The following SGSM1 variants were observed in gnomAD, a reference collection of about 807,000 sequenced individuals.
SGSM1 encodes small G protein signaling modulator 1.
A neutral mutation model predicts 133.8 loss-of-function variants in SGSM1; 73 were observed. That is an observed-to-expected ratio of 0.55 (90% CI 0.45 to 0.66). SGSM1 has a LOEUF of 0.66. Ranked by LOEUF, SGSM1 falls within the 30% of genes least tolerant of loss-of-function variation. The pLI is 0.00. For synonymous variants in SGSM1, 563 were observed against 573.0 expected, an observed-to-expected ratio of 0.98 and a Z score of 0.25; for missense variants, 1,213 against 1,448.1, an observed-to-expected ratio of 0.84 and a Z score of 2.64.
chr22:24,869,185 C>G (rs1226688456), intron 12 of SGSM1, among the ~76,000 whole-genome samples: 1 of 152,080 alleles, frequency 6.6e-6, no homozygotes, highest in African/African-American at 2.4e-5. Flanking sequence ...GTTCATAGCA[C>G]CAGTTTCATA....
At chr22:24,885,262 A>G (rs1292890848) in intron 15 of SGSM1, among the ~76,000 whole-genome samples, 3 of 151,954 alleles carry the variant, frequency 2.0e-5, no homozygotes, top group African/African-American at 7.3e-5. Context: ...CTGAGTCAAG[A>G]TTAATAATTG....
chr22:24,876,476 C>A, intron 12 of SGSM1, 101 bp from the exon 13 acceptor site: 2 of 1,464,748 alleles, frequency 1.4e-6, no homozygotes, highest in Non-Finnish European at 1.9e-6. Flanking sequence ...TATCTCTGTG[C>A]TGGCTGGGGC....
At chr22:24,870,278 A>G (rs1211140444) in intron 12 of SGSM1, among the ~76,000 whole-genome samples, 1 of 152,204 alleles carries the variant, frequency 6.6e-6, no homozygotes, top group African/African-American at 2.4e-5. Context: ...TCCATGTATG[A>G]GGGTGAAATC....
At chr22:24,919,497 T>C (rs912476282) in intron 23 of SGSM1, among the ~76,000 whole-genome samples, 4 of 152,118 alleles carry the variant, frequency 2.6e-5, no homozygotes, top group Non-Finnish European at 5.9e-5. Context: ...GTGTTGCTTG[T>C]CAAAGGGCAG....
Position 24,867,179 on chromosome 22 carries a change from G to A in SGSM1, c.994+19G>A, listed in dbSNP as rs747703968. 1.2e-6 allele frequency: 2 copies of A among 1,612,744 alleles called. No homozygotes were observed. The highest frequency in any genetic ancestry group is 1.7e-6 in the Non-Finnish European group (2 of 1,179,190). The stretch of plus-strand genomic sequence containing the variant: ...CAGCAAGGTAGGGACTGTGGGGACA[G>A]GAGGGGTCTGCGTATTCCTCTTGGA... On this transcript the variant is annotated intron_variant, in intron 10 of 24. Transcript: ENST00000400358.
At position 24,865,052 on chromosome 22, in the gene SGSM1, G is replaced by A. The variant is rs112280387; in HGVS notation, c.927-2041G>A. Among the ~76,000 whole-genome samples the A allele has an allele frequency of 2.1e-3, 316 of 152,314 alleles. 1 individual carries two copies. The highest frequency in any genetic ancestry group is 7.4e-3 in the African/African-American group (308 of 41,554). On this transcript the variant is annotated intron_variant, in intron 9 of 24. Coordinates refer to ENST00000400358, the MANE Select transcript of SGSM1 (RefSeq NM_001098497.3). ...TAGCTGGGAGCCTGGCACCTGGACA[G>A]GGCTCTCAGTCATGAGGGCTGTTGG... is the stretch of plus-strand genomic sequence containing the variant.
intron 10 of SGSM1, among the ~76,000 whole-genome samples, chr22:24,868,093 C>T (rs907337819): frequency 3.3e-5 from 5 of 152,074 alleles, no homozygotes; most frequent in African/African-American, 1.2e-4. Context: ...GCGTAGGGTT[C>T]TAGGGGGCGT....
At chr22:24,859,079 CG>C (rs1292310296) in intron 8 of SGSM1, among the ~76,000 whole-genome samples, 1 of 152,120 alleles carries the variant, frequency 6.6e-6, no homozygotes, top group Non-Finnish European at 1.5e-5. Flanking sequence ...CAAGACAGTG[CG>C]TGTGAAGGCT....
intron 2 of SGSM1, among the ~76,000 whole-genome samples, chr22:24,817,586 C>T (rs993228734): frequency 3.9e-5 from 6 of 152,124 alleles, no homozygotes; most frequent in East Asian, 1.9e-4. Flanking sequence ...CTACTGACCT[C>T]GCGATCTTCC....
intron 11 of SGSM1, 45 bp downstream of exon 11, chr22:24,868,584 C>A (rs756188978): frequency 1.2e-6 from 2 of 1,612,758 alleles, no homozygotes; most frequent in Non-Finnish European, 1.7e-6. Context: ...GGAGGCTGGT[C>A]ACAGAGGGTG....
intron 9 of SGSM1, among the ~76,000 whole-genome samples, chr22:24,866,525 G>A (rs1437518921): frequency 1.3e-5 from 2 of 152,178 alleles, no homozygotes; most frequent in Non-Finnish European, 2.9e-5. Context: ...AACTCCAGGG[G>A]TAGTAGCTTC....
intron 16 of SGSM1, among the ~76,000 whole-genome samples, chr22:24,889,766 C>T (rs1478043412): frequency 1.3e-5 from 2 of 150,228 alleles, no homozygotes; most frequent in African/African-American, 2.5e-5. Context: ...TCTCCTGCCT[C>T]AGCCTCCCAA....
intron 22 of SGSM1, among the ~76,000 whole-genome samples, chr22:24,914,518 G>A (rs555844244): frequency 6.6e-6 from 1 of 151,276 alleles, no homozygotes; most frequent in Non-Finnish European, 1.5e-5. Flanking sequence ...CATTATTCGT[G>A]TACCCCTTCT....
At position 24,844,816 on chromosome 22, in the gene SGSM1, T is replaced by G. The variant is rs557886188; in HGVS notation, c.64-81T>G. Reference sequence around the variant, plus strand: ...GCCTGAAAGGCCTTGTGGGGAGCAATGCAGCCCTTTTGGGGCACCTATACC... The same window carrying G: ...GCCTGAAAGGCCTTGTGGGGAGCAAGGCAGCCCTTTTGGGGCACCTATACC... On this transcript the variant is annotated intron_variant, in intron 2 of 24. Transcript: ENST00000400358. The G allele has an allele frequency of 2.6e-5, 34 of 1,328,190 alleles. No individual in the cohort carries two copies. In the South Asian group the frequency reaches 4.3e-4, roughly 17 times the overall value. The allele number at this position is 1,328,190 out of a possible 1,614,324, so 82.3% of individuals were successfully genotyped here. A position where few individuals can be genotyped will look rare whatever the true frequency, so the allele number is the denominator to read the frequency against.
At position 24,841,931 on chromosome 22, in the gene SGSM1, T is replaced by A. The variant is rs1235941529; in HGVS notation, c.64-2966T>A. On this transcript the variant is annotated intron_variant, in intron 2 of 24. Transcript: ENST00000400358. ...GTCTCATCCAGGATTTGAACCCAGG[T>A]CTGTCTGTCCCCAAATTCTCAGTTC... 2.6e-5 allele frequency among the ~76,000 whole-genome samples: 4 copies of A among 152,176 alleles called. No homozygotes were observed. In the East Asian group the frequency reaches 7.7e-4, roughly 29 times the overall value.
chr22:24,863,098 C>T (rs1931246953), intron 9 of SGSM1, among the ~76,000 whole-genome samples: 1 of 152,194 alleles, frequency 6.6e-6, no homozygotes, highest in African/African-American at 2.4e-5. Flanking sequence ...ATCGGGGACC[C>T]GTGTTTCTGC....
intron 10 of SGSM1, 126 bp from the exon 11 acceptor site, chr22:24,868,250 C>T: frequency 7.5e-7 from 1 of 1,340,390 alleles, no homozygotes; most frequent in Non-Finnish European, 1.0e-6. Context: ...AGGACTTTCC[C>T]AGAGCCTCAG....
rs192208623 is a variant in SGSM1, at chr22:24,850,473, C to G, written c.455+41C>G. 4.3e-5 allele frequency: 69 copies of G among 1,596,946 alleles called. 2 individuals carry two copies. In the South Asian group the frequency reaches 7.4e-4, roughly 17 times the overall value. The stretch of plus-strand genomic sequence containing the variant: ...CTGACACCTGGCCATGCTCTGCCCC[C>G]ACCTGCCGGCCGTTGTGGAAATTGC... On this transcript the variant is annotated intron_variant, in intron 5 of 24. Coordinates refer to ENST00000400358, the MANE Select transcript of SGSM1 (RefSeq NM_001098497.3).
intron 8 of SGSM1, 46 bp from the exon 9 acceptor site, chr22:24,859,670 G>A (rs370375693): frequency 9.1e-5 from 146 of 1,611,376 alleles, no homozygotes; most frequent in Non-Finnish European, 1.0e-4. Context: ...TATGTCCACA[G>A]CAACTCCAGC....
Sources: allele counts gnomAD v4.1 joint callset (sites outside exome capture counted in the v4.1 genomes callset), GRCh38; gene constraint gnomAD v4.1.1; transcripts MANE v1.5; gene names NCBI Gene and HGNC (gene_info 2026-07-23, HGNC 2026-07-21).